The following FBN1 variants were observed in gnomAD, a reference collection of about 807,000 sequenced individuals.
The protein encoded by FBN1 is fibrillin-1.
Under a neutral mutation model 365.1 loss-of-function variants are expected in FBN1, and 29 were observed. The ratio of observed to expected loss-of-function variants is 0.08; its 90% confidence interval spans 0.06 to 0.11. The LOEUF is 0.11. Among genes scored for constraint, FBN1 ranks in the 10% least tolerant of loss-of-function variants. The pLI is 1.00. For synonymous variants in FBN1, 1,210 were observed against 1,270.5 expected, an observed-to-expected ratio of 0.95 and a Z score of 1.01; for missense variants, 2,476 against 3,703.2, an observed-to-expected ratio of 0.67 and a Z score of 8.60.
intron 6 of FBN1, among the ~76,000 whole-genome samples, chr15:48,577,451 T>A (rs1347734822): frequency 6.6e-6 from 1 of 152,180 alleles, no homozygotes; most frequent in African/African-American, 2.4e-5. Flanking sequence ...AAAAAGTATT[T>A]CAGGTTTATA....
chr15:48,472,063 C>G (rs2043380602), intron 35 of FBN1, among the ~76,000 whole-genome samples: 5 of 152,164 alleles, frequency 3.3e-5, no homozygotes. Flanking sequence ...TGAGACATAC[C>G]ATTCTACGTA....
At chr15:48,509,215 G>A (rs933479141) in intron 14 of FBN1, among the ~76,000 whole-genome samples, 1 of 152,022 alleles carries the variant, frequency 6.6e-6, no homozygotes, top group Middle Eastern at 3.4e-3. Context: ...GTAAAAAGTG[G>A]ACTTTTAGAA....
chr15:48,537,947 T>C (rs553408728), intron 6 of FBN1, 139 bp from the exon 7 acceptor site: 1 of 881,456 alleles, frequency 1.1e-6, no homozygotes, highest in Non-Finnish European at 1.8e-6. Flanking sequence ...ACTGTCCCTG[T>C]GTAAGGCCTT....
intron 6 of FBN1, among the ~76,000 whole-genome samples, chr15:48,584,318 C>T (rs1007990603): frequency 3.3e-5 from 5 of 152,112 alleles, no homozygotes; most frequent in Admixed American, 3.3e-4. Context: ...CAAGATTTAT[C>T]CTCAGAGCGT....
At position 48,515,459 on chromosome 15, in the gene FBN1, T is replaced by A. The variant is rs2043792834; in HGVS notation, c.1396A>T (p.Ile466Phe). Residue 466 changes from isoleucine to phenylalanine, a missense_variant, in exon 12 of 66, where the codon ATT becomes TTT. Around this residue, in one of 5 missense-constraint regions of FBN1, gnomAD observed 421 missense variants for 520.1 expected, o/e 0.81. Transcript: ENST00000316623. ...CACCGGTAACTCCCAGGAGTTGGAA[T>A]GCAGCGTCCATTTTGACAGAGATAG... ...VRYLCQNGRCIPTPGSYRCEC... is the reference protein window; with the variant it reads ...VRYLCQNGRCFPTPGSYRCEC... 1 of 1,613,942 alleles carries A rather than the reference T, an allele frequency of 6.2e-7. No homozygotes were observed. Among genetic ancestry groups the A allele is most frequent in the African/African-American group, 1.3e-5 (1 of 74,924 alleles).
At chr15:48,571,317 C>A (rs536309631) in intron 6 of FBN1, among the ~76,000 whole-genome samples, 26 of 152,080 alleles carry the variant, frequency 1.7e-4, no homozygotes, top group African/African-American at 6.3e-4. Flanking sequence ...TGTCTTAGGC[C>A]TACAACAAAT....
chr15:48,409,581 A>C lies in FBN1; in HGVS notation c.*1409T>G, dbSNP rs561772776. On this transcript the variant is annotated 3_prime_UTR_variant, in exon 66 of 66. Transcript: ENST00000316623. ...ACTTTAAAAATTATGACATTAAGAA[A>C]CCAAAAGTTACAGCAATTGGATACA... 6.6e-6 allele frequency: 1 copy of C among 152,164 alleles called. No individual in the cohort carries two copies. Among genetic ancestry groups the C allele is most frequent in the South Asian group, 2.1e-4 (1 of 4,826 alleles). The allele number at this position is 152,164 out of a possible 1,614,324, so 9.4% of individuals were successfully genotyped here. A position where few individuals can be genotyped will look rare whatever the true frequency, so the allele number is the denominator to read the frequency against.
At chr15:48,628,904 T>C (rs1889935431) in intron 2 of FBN1, among the ~76,000 whole-genome samples, 1 of 151,960 alleles carries the variant, frequency 6.6e-6, no homozygotes, top group Non-Finnish European at 1.5e-5. Context: ...TATAAAGTCT[T>C]CTTGAAAAAA....
At position 48,434,749 on chromosome 15, in the gene FBN1, A is replaced by G. The variant is rs749555280; in HGVS notation, c.6497-36T>C. The G allele has an allele frequency of 2.3e-5, 37 of 1,609,152 alleles. No homozygotes were observed. The South Asian group carries it at 4.0e-4, about 17-fold the overall frequency. On this transcript the variant is annotated intron_variant, in intron 53 of 65. Transcript: ENST00000316623. ...CCAGGAATGTGTCCAAAACATGATG[A>G]ATTGAGATAATACCTTTTATTCTAT...
At chr15:48,535,019 T>C (rs1191153335) in intron 7 of FBN1, among the ~76,000 whole-genome samples, 2 of 152,130 alleles carry the variant, frequency 1.3e-5, no homozygotes, top group African/African-American at 4.8e-5. Context: ...CCCACCACAC[T>C]GGATTCCTCA....
Position 48,445,647 on chromosome 15 carries a change from A to C in FBN1, c.5789-143T>G, listed in dbSNP as rs554237847. ...TTAGCCAAACAAGAAATGCCAATGAAGATCTAGTTTGCAACAACAGAACTG... is the reference window on the plus strand; with the variant it reads ...TTAGCCAAACAAGAAATGCCAATGACGATCTAGTTTGCAACAACAGAACTG... On this transcript the variant is annotated intron_variant, in intron 47 of 65. Transcript: ENST00000316623. 919 of 821,724 alleles carry C rather than the reference A, an allele frequency of 1.1e-3. 5 individuals are homozygous for C. The highest frequency in any genetic ancestry group is 1.5e-3 in the Non-Finnish European group (736 of 503,186). 50.9% of individuals were successfully genotyped at this position (821,724 alleles called of 1,614,324 possible).
At chr15:48,432,148 C>T (rs973205347) in intron 55 of FBN1, among the ~76,000 whole-genome samples, 2 of 152,014 alleles carry the variant, frequency 1.3e-5, no homozygotes, top group African/African-American at 2.4e-5. Flanking sequence ...CTATCTTTCC[C>T]GTTTACATGC....
chr15:48,572,534 AC>A (rs1327117818), intron 6 of FBN1, among the ~76,000 whole-genome samples: 1 of 147,412 alleles, frequency 6.8e-6, no homozygotes, highest in Non-Finnish European at 1.5e-5. Context: ...AAAAAAAAAA[AC>A]AAAGACCCCT....
intron 54 of FBN1, among the ~76,000 whole-genome samples, chr15:48,433,385 T>C (rs1229117718): frequency 1.3e-5 from 2 of 152,160 alleles, no homozygotes; most frequent in Non-Finnish European, 2.9e-5. Context: ...TTTTGCCCCA[T>C]TCCGCCAAAA....
At position 48,596,270 on chromosome 15, in the gene FBN1, TA is replaced by T. The variant is rs755209856; in HGVS notation, c.538+12del. 81 of 1,612,692 alleles carry T rather than the reference TA, an allele frequency of 5.0e-5. No individual in the cohort carries two copies. Among genetic ancestry groups the T allele is most frequent in the Non-Finnish European group, 6.9e-5 (81 of 1,178,910 alleles). ...CAGCATGTCTTTACGTAAATGATTT[TA>T]AAAACCATTACCTCTTTCACACTGG... On this transcript the variant is annotated intron_variant, in intron 6 of 65. Coordinates refer to ENST00000316623, the MANE Select transcript of FBN1 (RefSeq NM_000138.5).
chr15:48,478,863 A>C (rs1458791701), intron 32 of FBN1, among the ~76,000 whole-genome samples: 1 of 152,232 alleles, frequency 6.6e-6, no homozygotes, highest in Non-Finnish European at 1.5e-5. Context: ...TTTATTTGTT[A>C]AAATGGAAAT....
intron 60 of FBN1, among the ~76,000 whole-genome samples, chr15:48,423,210 T>C (rs1022445612): frequency 2.0e-5 from 3 of 152,068 alleles, no homozygotes; most frequent in Non-Finnish European, 4.4e-5. Flanking sequence ...TTAGTGACTT[T>C]ATTTTATCAC....
In FBN1 at chr15:48,415,774, G is replaced by A; in HGVS notation, c.7820-7C>T. 1.9e-6 allele frequency: 3 copies of A among 1,609,420 alleles called. No individual in the cohort carries two copies. The highest frequency in any genetic ancestry group is 2.2e-5 in the East Asian group (1 of 44,862). On this transcript the variant is annotated splice_region_variant and splice_polypyrimidine_tract_variant and intron_variant, in intron 63 of 65. Coordinates refer to ENST00000316623, the MANE Select transcript of FBN1 (RefSeq NM_000138.5). Reference sequence around the variant, plus strand: ...CTGAGGCATTCGTTTTCATCTGCAGGCAAAATAAGAAGCGGCATGTGTGGC... The same window carrying A: ...CTGAGGCATTCGTTTTCATCTGCAGACAAAATAAGAAGCGGCATGTGTGGC...
At position 48,420,667 on chromosome 15, in the gene FBN1, A is replaced by G. The variant is rs1247361089; in HGVS notation, c.7819+20T>C. On this transcript the variant is annotated intron_variant, in intron 63 of 65. Transcript: ENST00000316623. ...GGACCTGATAGCCATGCATCTTGAG[A>G]GTGAGGAAAAGTTACTTGCCAACAC... 6.2e-7 allele frequency: 1 copy of G among 1,613,866 alleles called. No homozygotes were observed. Among genetic ancestry groups the G allele is most frequent in the South Asian group, 1.1e-5 (1 of 91,084 alleles).
Sources: allele counts gnomAD v4.1 joint callset (sites outside exome capture counted in the v4.1 genomes callset), GRCh38; gene constraint gnomAD v4.1.1; regional missense constraint gnomAD v4.1.1; transcripts MANE v1.5; gene names NCBI Gene and HGNC (gene_info 2026-07-23, HGNC 2026-07-21).